ENOX1: variants seen among roughly 807,000 people sequenced by gnomAD.
The protein encoded by ENOX1 is ecto-NOX disulfide-thiol exchanger 1, also known as candidate growth-related and time keeping constitutive hydroquinone (NADH) oxidase.
A neutral mutation model predicts 82.5 loss-of-function variants in ENOX1; 42 were observed. That is an observed-to-expected ratio of 0.51 (90% CI 0.40 to 0.66). ENOX1 has a LOEUF of 0.66. Ranked by LOEUF, ENOX1 falls within the 30% of genes least tolerant of loss-of-function variation. The probability of loss-of-function intolerance (pLI) is 0.00; values close to 1 mark genes in which losing one functional copy is unlikely to be tolerated. For missense variants in ENOX1, 608 were observed against 811.6 expected (o/e 0.75, Z 3.05); for synonymous variants, 271 against 282.2 (o/e 0.96, Z 0.40).
At chr13:43,519,473 T>C (rs2077679283) in intron 2 of ENOX1, among the ~76,000 whole-genome samples, 1 of 152,166 alleles carries the variant, frequency 6.6e-6, no homozygotes, top group African/African-American at 2.4e-5. Context: ...TCCCATTCCA[T>C]TGAGAATGTC....
intron 3 of ENOX1, among the ~76,000 whole-genome samples, chr13:43,467,993 T>A (rs751238605): frequency 7.9e-5 from 12 of 152,138 alleles, no homozygotes; most frequent in Non-Finnish European, 1.8e-4. Context: ...GGTTTATTCA[T>A]GGATTCTCTA....
chr13:43,744,882 A>AAC (rs1356610766), intron 1 of ENOX1, among the ~76,000 whole-genome samples: 1 of 152,208 alleles, frequency 6.6e-6, no homozygotes, highest in African/African-American at 2.4e-5. Flanking sequence ...AATGGCTGTG[A>AAC]ATCTAAATTA....
intron 11 of ENOX1, among the ~76,000 whole-genome samples, chr13:43,307,052 G>A (rs1253379486): frequency 6.6e-6 from 1 of 152,060 alleles, no homozygotes; most frequent in Admixed American, 6.5e-5. Flanking sequence ...AACTTTTTTT[G>A]AAAGTTACTT....
intron 1 of ENOX1, among the ~76,000 whole-genome samples, chr13:43,775,798 G>A (rs1015325179): frequency 1.3e-5 from 2 of 152,124 alleles, no homozygotes; most frequent in African/African-American, 4.8e-5. Context: ...GGAGCCTGAA[G>A]AGTCACCACA....
At chr13:43,267,103 GGAAA>G (rs2044420769) in intron 13 of ENOX1, among the ~76,000 whole-genome samples, 1 of 152,164 alleles carries the variant, frequency 6.6e-6, no homozygotes, top group Non-Finnish European at 1.5e-5. Flanking sequence ...GAACCGTGGA[GGAAA>G]CCCCTCCCCG....
At position 43,613,857 on chromosome 13, in the gene ENOX1, G is replaced by A. The variant is rs542407949; in HGVS notation, c.-219+53622C>T. Among the ~76,000 whole-genome samples the A allele has an allele frequency of 1.7e-4, 26 of 152,200 alleles. No homozygotes were observed. The East Asian group carries it at 2.7e-3, about 16-fold the overall frequency. On this transcript the variant is annotated intron_variant, in intron 2 of 16. Transcript: ENST00000690772. ...GAGGCACAATAATCGCTTGAGCCCC[G>A]GAGGCGGAGGTTGCAGTGAGCCGCC...
intron 10 of ENOX1, among the ~76,000 whole-genome samples, chr13:43,325,678 T>C (rs538499511): frequency 1.9e-3 from 286 of 152,238 alleles, no homozygotes; most frequent in Non-Finnish European, 3.3e-3. Context: ...GGCATCCAAA[T>C]GAAAAACATT....
intron 16 of ENOX1, among the ~76,000 whole-genome samples, chr13:43,217,314 C>T (rs1388945296): frequency 1.3e-5 from 2 of 152,202 alleles, no homozygotes; most frequent in African/African-American, 2.4e-5. Context: ...ACTCACCTGG[C>T]TCACACACGT....
chr13:43,404,775 T>C (rs2053691696), intron 5 of ENOX1, among the ~76,000 whole-genome samples: 2 of 152,194 alleles, frequency 1.3e-5, no homozygotes, highest in African/African-American at 4.8e-5. Flanking sequence ...CCTAATGTCC[T>C]GGGGAAGAAA....
At chr13:43,281,636 C>T (rs1472513184) in intron 12 of ENOX1, among the ~76,000 whole-genome samples, 1 of 152,086 alleles carries the variant, frequency 6.6e-6, no homozygotes, top group South Asian at 2.1e-4. Flanking sequence ...GATGTTTACC[C>T]GTGAAAATTT....
At chr13:43,513,970 A>G (rs2077467874) in intron 2 of ENOX1, among the ~76,000 whole-genome samples, 1 of 152,138 alleles carries the variant, frequency 6.6e-6, no homozygotes, top group South Asian at 2.1e-4. Flanking sequence ...TATTAATGCA[A>G]TGTTTGTTTA....
intron 1 of ENOX1, among the ~76,000 whole-genome samples, chr13:43,778,274 A>G (rs1952042194): frequency 6.6e-6 from 1 of 152,234 alleles, no homozygotes; most frequent in Admixed American, 6.5e-5. Flanking sequence ...ATTCAATTCA[A>G]AACAGCTCTC....
chr13:43,661,275 G>A (rs550149308), intron 2 of ENOX1, among the ~76,000 whole-genome samples: 6 of 152,166 alleles, frequency 3.9e-5, no homozygotes, highest in Admixed American at 3.9e-4. Flanking sequence ...TAATTGGATG[G>A]ATATAGATAT....
intron 2 of ENOX1, among the ~76,000 whole-genome samples, chr13:43,550,623 T>A (rs528799011): frequency 1.3e-5 from 2 of 152,294 alleles, no homozygotes; most frequent in African/African-American, 4.8e-5. Flanking sequence ...GCCTCAGCTA[T>A]CACAAAAACT....
chr13:43,395,131 G>C (rs2053058101), intron 5 of ENOX1, among the ~76,000 whole-genome samples: 2 of 151,892 alleles, frequency 1.3e-5, no homozygotes, highest in African/African-American at 4.8e-5. Flanking sequence ...TAGCAAGAAG[G>C]CCCTCTGATG....
intron 5 of ENOX1, among the ~76,000 whole-genome samples, chr13:43,408,521 T>A (rs914741250): frequency 8.5e-5 from 13 of 152,284 alleles, no homozygotes; most frequent in African/African-American, 2.6e-4. Context: ...TTCTGAAACA[T>A]TAAAGGCTGC....
chr13:43,505,256 TG>T (rs1566402094), intron 2 of ENOX1, among the ~76,000 whole-genome samples: 1 of 151,732 alleles, frequency 6.6e-6, no homozygotes. Context: ...TTGGAGTGAA[TG>T]AGGAAATGCT....
In ENOX1 at chr13:43,243,874, C is replaced by G. The variant is rs187468070; in HGVS notation, c.1612-7136G>C. 1.1e-4 allele frequency among the ~76,000 whole-genome samples: 16 copies of G among 152,144 alleles called. No individual in the cohort carries two copies. In the East Asian group the frequency reaches 3.1e-3, roughly 29 times the overall value. ...TCTTGGAAAGCTCTCTCCTCCTTGC[C>G]TTGCCACTTCCTACTTACATTTTAC... On this transcript the variant is annotated intron_variant, in intron 14 of 16. Coordinates refer to ENST00000690772, the MANE Select transcript of ENOX1 (RefSeq NM_001347969.2).
At position 43,236,641 on chromosome 13, in the gene ENOX1, A is replaced by G; in HGVS notation, c.1709T>C (p.Leu570Pro). The change falls in exon 15 of 17, where the codon CTA (leucine) becomes CCA (proline). Residue 570 changes from leucine (L) to proline (P), a missense_variant. Transcript: ENST00000690772. ...AGAAAACAGAATTTCCTTACCTATT[A>G]GCAGAGCTTCTTTCTCTGATTTTAA... ...QGLKSEKEAL[L>P]IGIISTFLHV... The G allele has an allele frequency of 6.4e-7, 1 of 1,572,154 alleles. No homozygotes were observed. Among genetic ancestry groups the G allele is most frequent in the Non-Finnish European group, 8.6e-7 (1 of 1,165,874 alleles).
Sources: gnomAD v4.1 joint callset for allele counts (sites outside exome capture counted in the v4.1 genomes callset) on GRCh38, gnomAD v4.1.1 for gene constraint, MANE v1.5 for transcripts, NCBI Gene and HGNC (gene_info 2026-07-23, HGNC 2026-07-21) for gene names.